Variants in GRM7 observed in about 807,000 individuals in gnomAD.
GRM7 encodes metabotropic glutamate receptor 7.
GRM7 carries 35 observed loss-of-function variants against 84.5 expected under a neutral mutation model. That is an observed-to-expected ratio of 0.41 (90% CI 0.32 to 0.55). GRM7 has a LOEUF of 0.55. GRM7 is among the 20% of genes least tolerant of loss of function. The pLI is 0.19. For synonymous variants in GRM7, 487 were observed against 455.1 expected (o/e 1.07, Z -0.89); for missense variants, 1,003 against 1,194.6 (o/e 0.84, Z 2.36).
chr3:6,974,906 T>C (rs1693929870), intron 1 of GRM7, among the ~76,000 whole-genome samples: 1 of 152,098 alleles, frequency 6.6e-6, no homozygotes, highest in Admixed American at 6.5e-5. Flanking sequence ...ATAGAATAAA[T>C]AGATCGTGCT....
chr3:7,250,960 A>G (rs1286825081), intron 2 of GRM7, among the ~76,000 whole-genome samples: 1 of 152,180 alleles, frequency 6.6e-6, no homozygotes, highest in Non-Finnish European at 1.5e-5. Context: ...AGCTAGAGAA[A>G]CCAGTTAGAA....
intron 2 of GRM7, among the ~76,000 whole-genome samples, chr3:7,276,358 T>C (rs1326921806): frequency 2.6e-5 from 4 of 151,780 alleles, no homozygotes; most frequent in African/African-American, 9.7e-5. Flanking sequence ...ATCTAGTTAA[T>C]TGCAAAAGGC....
chr3:6,898,681 A>G (rs909578983), intron 1 of GRM7, among the ~76,000 whole-genome samples: 7 of 151,546 alleles, frequency 4.6e-5, no homozygotes, highest in Non-Finnish European at 7.4e-5. Context: ...TATTTTGGCT[A>G]TTTTTTTTGG....
At chr3:6,885,884 A>G (rs1695673569) in intron 1 of GRM7, among the ~76,000 whole-genome samples, 1 of 152,192 alleles carries the variant, frequency 6.6e-6, no homozygotes, top group Non-Finnish European at 1.5e-5. Context: ...CCAGTCTATT[A>G]AGTATTTTAT....
intron 1 of GRM7, among the ~76,000 whole-genome samples, chr3:6,920,639 G>T (rs2125030567): frequency 6.6e-6 from 1 of 152,074 alleles, no homozygotes; most frequent in Admixed American, 6.5e-5. Context: ...TTAGTTAAGT[G>T]TCTATATTTT....
At chr3:7,093,838 T>C (rs1312812497) in intron 1 of GRM7, among the ~76,000 whole-genome samples, 1 of 152,196 alleles carries the variant, frequency 6.6e-6, no homozygotes, top group African/African-American at 2.4e-5. Flanking sequence ...GAAGCTTTTA[T>C]AGATGTTGTC....
chr3:7,395,279 TATG>T (rs1695166153), intron 4 of GRM7, among the ~76,000 whole-genome samples: 1 of 152,180 alleles, frequency 6.6e-6, no homozygotes, highest in African/African-American at 2.4e-5. Flanking sequence ...ATGATGTATC[TATG>T]ATGATTCACA....
chr3:7,678,148 A>G (rs1420797540), intron 8 of GRM7, among the ~76,000 whole-genome samples: 1 of 152,188 alleles, frequency 6.6e-6, no homozygotes, highest in Non-Finnish European at 1.5e-5. Flanking sequence ...GGAATTATTC[A>G]TACCCCAAAC....
intron 1 of GRM7, among the ~76,000 whole-genome samples, chr3:7,115,193 C>A (rs1692988788): frequency 1.3e-5 from 2 of 152,096 alleles, no homozygotes; most frequent in South Asian, 4.2e-4. Flanking sequence ...ATTTTAGATT[C>A]CAGAGCACAT....
chr3:7,668,073 G>A (rs1330376833), intron 8 of GRM7, among the ~76,000 whole-genome samples: 4 of 152,162 alleles, frequency 2.6e-5, no homozygotes, highest in Non-Finnish European at 5.9e-5. Flanking sequence ...TGACAATTAT[G>A]CTTTATGGTT....
intron 7 of GRM7, among the ~76,000 whole-genome samples, chr3:7,502,935 A>G (rs1002856322): frequency 2.0e-5 from 3 of 152,140 alleles, no homozygotes; most frequent in Non-Finnish European, 4.4e-5. Context: ...GATGATTTCC[A>G]TTGAGTTTTA....
chr3:7,406,434 A>C (rs561005849), intron 4 of GRM7, among the ~76,000 whole-genome samples: 2 of 151,630 alleles, frequency 1.3e-5, no homozygotes, highest in Non-Finnish European at 2.9e-5. Context: ...CGGGGGACGG[A>C]GCTTGCAGTG....
intron 7 of GRM7, among the ~76,000 whole-genome samples, chr3:7,512,412 A>G (rs184504605): frequency 6.6e-6 from 1 of 152,322 alleles, no homozygotes; most frequent in East Asian, 1.9e-4. Context: ...TCTGCATGAA[A>G]TGCAGTTTCT....
chr3:7,721,966 G>C (rs1701965424), intron 9 of GRM7, among the ~76,000 whole-genome samples: 1 of 152,206 alleles, frequency 6.6e-6, no homozygotes, highest in Non-Finnish European at 1.5e-5. Flanking sequence ...TGCGTGGATG[G>C]AAGTGGAAAT....
intron 5 of GRM7, among the ~76,000 whole-genome samples, chr3:7,428,914 T>C (rs1415407709): frequency 6.6e-6 from 1 of 152,232 alleles, no homozygotes; most frequent in Non-Finnish European, 1.5e-5. Context: ...GAAATTTCAC[T>C]AAAATTATTT....
rs143815262 is a variant in GRM7, at chr3:7,565,733, A to G, written c.1516-12689A>G. Among the ~76,000 whole-genome samples the G allele has an allele frequency of 3.3e-3, 510 of 152,348 alleles. 2 individuals carry two copies. Among genetic ancestry groups the G allele is most frequent in the African/African-American group, 0.012 (492 of 41,590 alleles). ...AAAGGATTGTGCTGGATGTTGTGCA[A>G]TAATTGGCTTAGGAGAAGACCAGCA... On this transcript the variant is annotated intron_variant, in intron 7 of 9. Transcript: ENST00000357716.
intron 8 of GRM7, among the ~76,000 whole-genome samples, chr3:7,627,426 T>C (rs1166475501): frequency 6.6e-6 from 1 of 151,876 alleles, no homozygotes; most frequent in Non-Finnish European, 1.5e-5. Context: ...TCAGAAATAA[T>C]GACTCTTATA....
chr3:7,391,252 G>C (rs1392913556), intron 4 of GRM7, among the ~76,000 whole-genome samples: 1 of 152,102 alleles, frequency 6.6e-6, no homozygotes, highest in Non-Finnish European at 1.5e-5. Context: ...TGGCACTTAG[G>C]AGTAAGAGCT....
intron 1 of GRM7, 87 bp from the exon 2 acceptor site, chr3:7,146,365 T>C: frequency 9.5e-7 from 1 of 1,047,340 alleles, no homozygotes; most frequent in Non-Finnish European, 1.5e-6. Context: ...GCTCAAACCC[T>C]GTATTTTAAG....
Sources: allele counts gnomAD v4.1 joint callset (sites outside exome capture counted in the v4.1 genomes callset), GRCh38; gene constraint gnomAD v4.1.1; transcripts MANE v1.5; gene names NCBI Gene and HGNC (gene_info 2026-07-23, HGNC 2026-07-21).